LRP1B: variants seen among roughly 807,000 people sequenced by gnomAD.
The protein encoded by LRP1B is LDL receptor related protein 1B.
Under a neutral mutation model 556.6 loss-of-function variants are expected in LRP1B, and 217 were observed. The ratio of observed to expected loss-of-function variants is 0.39; its 90% CI spans 0.35 to 0.44. The LOEUF (loss-of-function observed/expected upper bound fraction) is 0.44. LRP1B is among the 20% of genes least tolerant of loss of function. The pLI is 1.00. For synonymous variants in LRP1B, 2,047 were observed against 1,865.8 expected (o/e 1.10, Z -2.50); for missense variants, 5,053 against 5,620.8 (o/e 0.90, Z 3.23).
chr2:141,334,608 G>A (rs1312088050), intron 3 of LRP1B, among the ~76,000 whole-genome samples: 1 of 152,216 alleles, frequency 6.6e-6, no homozygotes. Flanking sequence ...CTGGAGTGTA[G>A]TGGCACCATC....
chr2:141,591,044 T>C (rs1159641153), intron 2 of LRP1B, among the ~76,000 whole-genome samples: 2 of 152,220 alleles, frequency 1.3e-5, no homozygotes, highest in Non-Finnish European at 2.9e-5. Flanking sequence ...CTCATTTCTT[T>C]CTACCTCTGC....
chr2:140,687,132 A>T (rs983527837), intron 41 of LRP1B, among the ~76,000 whole-genome samples: 6 of 152,066 alleles, frequency 3.9e-5, no homozygotes, highest in Non-Finnish European at 7.4e-5. Context: ...GAGTGATGAG[A>T]TCCAAAGTCA....
At chr2:141,277,426 C>T (rs1300111459) in intron 3 of LRP1B, among the ~76,000 whole-genome samples, 1 of 152,156 alleles carries the variant, frequency 6.6e-6, no homozygotes, top group Non-Finnish European at 1.5e-5. Flanking sequence ...TTGTTGGCCA[C>T]GTGTATGTCT....
At chr2:140,987,899 G>A (rs914765444) in intron 17 of LRP1B, among the ~76,000 whole-genome samples, 1 of 151,990 alleles carries the variant, frequency 6.6e-6, no homozygotes, top group African/African-American at 2.4e-5. Flanking sequence ...CATGAGAATT[G>A]CTTGCACCTG....
rs190747841 is a variant in LRP1B at position 141,052,628 on chromosome 2, G to A, written c.1552+2488C>T. Reference sequence around the variant, plus strand: ...TTATATTTATTAGCAAATGTCTTACGAACTGTGACATCGATTTCTAATTAT... The same window carrying A: ...TTATATTTATTAGCAAATGTCTTACAAACTGTGACATCGATTTCTAATTAT... On this transcript the variant is annotated intron_variant, in intron 10 of 90. Transcript: ENST00000389484. 5.3e-5 allele frequency among the ~76,000 whole-genome samples: 8 copies of A among 152,048 alleles called. No individual in the cohort carries two copies. The South Asian group carries it at 6.2e-4, about 12-fold the overall frequency.
At chr2:141,627,468 G>T (rs1436816734) in intron 2 of LRP1B, among the ~76,000 whole-genome samples, 1 of 152,160 alleles carries the variant, frequency 6.6e-6, no homozygotes, top group Non-Finnish European at 1.5e-5. Flanking sequence ...GAAGTGGGCC[G>T]CACAGCAGGA....
intron 20 of LRP1B, among the ~76,000 whole-genome samples, chr2:140,937,879 G>A (rs1040308818): frequency 6.6e-6 from 1 of 151,210 alleles, no homozygotes; most frequent in Non-Finnish European, 1.5e-5. Flanking sequence ...TAGCCTCACT[G>A]CTTTGAGTGG....
At chr2:141,087,595 A>G (rs574438854) in intron 7 of LRP1B, among the ~76,000 whole-genome samples, 64 of 152,332 alleles carry the variant, frequency 4.2e-4, no homozygotes, top group African/African-American at 1.5e-3. Context: ...GCCAGCAAGG[A>G]GGTCAGACAG....
At chr2:140,440,378 G>T (rs1686372818) in intron 66 of LRP1B, among the ~76,000 whole-genome samples, 1 of 152,172 alleles carries the variant, frequency 6.6e-6, no homozygotes, top group Admixed American at 6.5e-5. Flanking sequence ...ACACACCCAT[G>T]CTTCTAGAGA....
chr2:140,297,129 G>A (rs1683640280), intron 84 of LRP1B, among the ~76,000 whole-genome samples: 1 of 152,148 alleles, frequency 6.6e-6, no homozygotes. Flanking sequence ...GTAGCCTGGG[G>A]TTCCTAGTAA....
chr2:141,940,571 T>C (rs1298786208), intron 1 of LRP1B, among the ~76,000 whole-genome samples: 1 of 152,188 alleles, frequency 6.6e-6, no homozygotes, highest in Admixed American at 6.5e-5. Flanking sequence ...GGGTAAATGT[T>C]GAATATACTT....
chr2:141,331,350 T>C (rs1330522671), intron 3 of LRP1B, among the ~76,000 whole-genome samples: 2 of 152,210 alleles, frequency 1.3e-5, no homozygotes, highest in Admixed American at 1.3e-4. Context: ...CAGCATGAGC[T>C]TCTTGCTCAA....
intron 7 of LRP1B, among the ~76,000 whole-genome samples, chr2:141,173,492 G>C (rs760393180): frequency 1.6e-4 from 25 of 152,094 alleles, no homozygotes; most frequent in Non-Finnish European, 2.2e-4. Context: ...TCCAACCCAT[G>C]CTACACATGG....
chr2:141,164,185 A>T (rs1680154099), intron 7 of LRP1B, among the ~76,000 whole-genome samples: 1 of 152,090 alleles, frequency 6.6e-6, no homozygotes, highest in Non-Finnish European at 1.5e-5. Flanking sequence ...CAAAGAAATT[A>T]ATGATCCCAT....
intron 62 of LRP1B, among the ~76,000 whole-genome samples, chr2:140,454,038 G>C (rs1451577503): frequency 6.6e-6 from 1 of 152,132 alleles, no homozygotes; most frequent in African/African-American, 2.4e-5. Flanking sequence ...CCTCTCATTA[G>C]ATCAGAAAAG....
At chr2:140,952,330 G>T (rs1695741585) in intron 18 of LRP1B, among the ~76,000 whole-genome samples, 1 of 151,994 alleles carries the variant, frequency 6.6e-6, no homozygotes, top group Non-Finnish European at 1.5e-5. Flanking sequence ...AATAGTGGAA[G>T]GCCTTTTCTG....
At chr2:140,594,308 T>C (rs1682348994) in intron 43 of LRP1B, among the ~76,000 whole-genome samples, 2 of 152,152 alleles carry the variant, frequency 1.3e-5, no homozygotes, top group Admixed American at 1.3e-4. Flanking sequence ...AAAAATCATC[T>C]GTTTTCTGAT....
At chr2:140,281,260 C>G (rs910102852) in intron 84 of LRP1B, among the ~76,000 whole-genome samples, 1 of 151,912 alleles carries the variant, frequency 6.6e-6, no homozygotes, top group Non-Finnish European at 1.5e-5. Flanking sequence ...TATGGAAAGC[C>G]ATATAGCTAT....
rs1198211801 is a variant in LRP1B at position 141,795,857 on chromosome 2, AATATAT to A, written c.205+14416_205+14421del. ...GAAATAGAGAATGAAAACCAGGAGC[AATATAT>A]ATATATATATATATATATATATATA... On this transcript the variant is annotated intron_variant, in intron 2 of 90. Coordinates refer to ENST00000389484, the MANE Select transcript of LRP1B (RefSeq NM_018557.3). Among the ~76,000 whole-genome samples, 277 of 51,532 alleles carry A rather than the reference AATATAT, an allele frequency of 5.4e-3. 2 individuals carry two copies. The highest frequency in any genetic ancestry group is 6.0e-3 in the South Asian group (9 of 1,498). The allele number at this position is 51,532 out of a possible 152,430, so 33.8% of individuals were successfully genotyped here. A position where few individuals can be genotyped will look rare whatever the true frequency, so the allele number is the denominator to read the frequency against.
Sources: allele counts gnomAD v4.1 joint callset (sites outside exome capture counted in the v4.1 genomes callset), GRCh38; gene constraint gnomAD v4.1.1; transcripts MANE v1.5; gene names NCBI Gene and HGNC (gene_info 2026-07-23, HGNC 2026-07-21).